PTPRM: variants seen among roughly 807,000 people sequenced by gnomAD.
PTPRM encodes the protein receptor-type tyrosine-protein phosphatase mu.
PTPRM carries 47 observed loss-of-function variants against 186.7 expected under a neutral mutation model. The ratio of observed to expected loss-of-function variants is 0.25; its 90% CI spans 0.20 to 0.32. PTPRM has a LOEUF of 0.32. PTPRM is among the 10% of genes least tolerant of loss of function. The probability of loss-of-function intolerance (pLI) is 1.00; values close to 1 mark genes in which losing one functional copy is unlikely to be tolerated. For missense variants in PTPRM, 1,494 were observed against 1,865.0 expected (o/e 0.80, Z 3.66); for synonymous variants, 668 against 674.9 (o/e 0.99, Z 0.16).
chr18:8,223,084 C>A (rs940804053), intron 14 of PTPRM, among the ~76,000 whole-genome samples: 1 of 152,048 alleles, frequency 6.6e-6, no homozygotes, highest in Non-Finnish European at 1.5e-5. Context: ...ATTAGCCGGG[C>A]GTGGTGGCAC....
intron 1 of PTPRM, among the ~76,000 whole-genome samples, chr18:7,657,036 G>A (rs1446513656): frequency 4.6e-5 from 7 of 152,138 alleles, no homozygotes; most frequent in South Asian, 2.1e-4. Context: ...TACACTTTCC[G>A]ACATACAATG....
chr18:7,821,627 A>C (rs1247475632), intron 2 of PTPRM, among the ~76,000 whole-genome samples: 1 of 152,192 alleles, frequency 6.6e-6, no homozygotes, highest in Non-Finnish European at 1.5e-5. Context: ...AGAGTTGAAC[A>C]ACAACAATAA....
intron 2 of PTPRM, chr18:7,814,443 G>A (rs893688518): frequency 6.6e-6 from 1 of 152,250 alleles, no homozygotes; most frequent in Non-Finnish European, 1.5e-5. Context: ...GATGGGCCTG[G>A]AAGAATGGAT....
rs181761783 is a variant in PTPRM, at chr18:8,332,342, G to A, written c.2957-11081G>A. 2.6e-5 allele frequency among the ~76,000 whole-genome samples: 4 copies of A among 152,264 alleles called. No homozygotes were observed. The East Asian group carries it at 5.8e-4, about 22-fold the overall frequency. On this transcript the variant is annotated intron_variant, in intron 22 of 32. Transcript: ENST00000580170. Reference sequence around the variant, plus strand: ...TTTAGTGTTTATTTAAAACCTGTCCGTTAATGTTTGGTTTATGCCAATTTT... The same window carrying A: ...TTTAGTGTTTATTTAAAACCTGTCCATTAATGTTTGGTTTATGCCAATTTT...
At chr18:8,278,456 G>T (rs2094862687) in intron 19 of PTPRM, among the ~76,000 whole-genome samples, 1 of 152,178 alleles carries the variant, frequency 6.6e-6, no homozygotes, top group Admixed American at 6.5e-5. Flanking sequence ...GAGGCATTTT[G>T]CAGAAAACTA....
At chr18:7,916,707 T>G (rs1036961043) in intron 4 of PTPRM, among the ~76,000 whole-genome samples, 3 of 152,228 alleles carry the variant, frequency 2.0e-5, no homozygotes, top group Non-Finnish European at 4.4e-5. Flanking sequence ...AGTGATATTT[T>G]GAAACATGTA....
intron 19 of PTPRM, among the ~76,000 whole-genome samples, chr18:8,274,138 T>A (rs766405824): frequency 2.6e-4 from 39 of 152,176 alleles, no homozygotes; most frequent in Admixed American, 2.6e-4. Flanking sequence ...GACTAAATCT[T>A]GTATAGAGTT....
intron 2 of PTPRM, among the ~76,000 whole-genome samples, chr18:7,795,806 C>CT (rs2043602152): frequency 7.4e-6 from 1 of 134,656 alleles, no homozygotes; most frequent in Non-Finnish European, 1.6e-5. Context: ...TTCTTTCTTT[C>CT]TTTCTTTTTT....
chr18:8,352,653 G>GTTTTTTT (rs1355276752), intron 23 of PTPRM, among the ~76,000 whole-genome samples: 16 of 121,352 alleles, frequency 1.3e-4, no homozygotes, highest in Non-Finnish European at 2.0e-4. Context: ...TTTTGGTTTG[G>GTTTTTTT]TTTTTTTTGT....
intron 7 of PTPRM, among the ~76,000 whole-genome samples, chr18:7,983,719 C>T (rs1271914994): frequency 6.6e-6 from 1 of 152,126 alleles, no homozygotes; most frequent in Non-Finnish European, 1.5e-5. Context: ...ACATATTTGC[C>T]TGTCTTCTTT....
chr18:7,997,285 G>T (rs950691504), intron 7 of PTPRM, among the ~76,000 whole-genome samples: 1 of 152,006 alleles, frequency 6.6e-6, no homozygotes, highest in African/African-American at 2.4e-5. Context: ...CATACGATAG[G>T]GAGATGACAG....
intron 14 of PTPRM, among the ~76,000 whole-genome samples, chr18:8,243,212 G>A (rs902663844): frequency 6.6e-6 from 1 of 152,294 alleles, no homozygotes; most frequent in South Asian, 2.1e-4. Context: ...TGGTCAGCGA[G>A]CAGGATGCAG....
intron 2 of PTPRM, among the ~76,000 whole-genome samples, chr18:7,857,845 C>T (rs2047166268): frequency 6.6e-6 from 1 of 152,140 alleles, no homozygotes; most frequent in Non-Finnish European, 1.5e-5. Flanking sequence ...GCTAAGATTA[C>T]ATCATAATGT....
chr18:8,309,778 C>G (rs2095254227), intron 20 of PTPRM, among the ~76,000 whole-genome samples: 1 of 152,192 alleles, frequency 6.6e-6, no homozygotes, highest in African/African-American at 2.4e-5. Flanking sequence ...AAGCTATCCT[C>G]CTGCCTCGGC....
chr18:7,662,364 G>A (rs1027952267), intron 1 of PTPRM, among the ~76,000 whole-genome samples: 4 of 152,162 alleles, frequency 2.6e-5, no homozygotes, highest in Non-Finnish European at 5.9e-5. Flanking sequence ...TATACCCAGT[G>A]GAGTATTGTT....
At chr18:8,318,998 G>A (rs952699341) in intron 21 of PTPRM, among the ~76,000 whole-genome samples, 180 bp from the exon 22 acceptor site, 4 of 152,204 alleles carry the variant, frequency 2.6e-5, no homozygotes, top group African/African-American at 9.6e-5. Flanking sequence ...CAGAACTGTT[G>A]TATTTGATGC....
At chr18:8,132,017 A>T (rs1218276178) in intron 13 of PTPRM, among the ~76,000 whole-genome samples, 1 of 152,180 alleles carries the variant, frequency 6.6e-6, no homozygotes, top group South Asian at 2.1e-4. Context: ...TAATTTACTT[A>T]TTGGTGTTGC....
chr18:8,270,546 T>C (rs1333415422), intron 19 of PTPRM: 1 of 152,060 alleles, frequency 6.6e-6, no homozygotes, highest in African/African-American at 2.4e-5. Flanking sequence ...TAAAGAGACA[T>C]CTGGACTCCA....
chr18:7,735,604 T>A (rs1421126717), intron 1 of PTPRM, among the ~76,000 whole-genome samples: 1 of 151,762 alleles, frequency 6.6e-6, no homozygotes, highest in Non-Finnish European at 1.5e-5. Context: ...ACCTAAAAAA[T>A]TTGCCATATT....
Sources: gnomAD v4.1 joint callset for allele counts (sites outside exome capture counted in the v4.1 genomes callset) on GRCh38, gnomAD v4.1.1 for gene constraint, MANE v1.5 for transcripts, NCBI Gene and HGNC (gene_info 2026-07-23, HGNC 2026-07-21) for gene names.